The following ARL10 variants were observed in gnomAD, a reference collection of about 807,000 sequenced individuals.
ARL10 encodes the protein ARF like GTPase 10.
In ARL10, 23 loss-of-function variants were observed where a neutral mutation model predicts 26.1. The ratio of observed to expected loss-of-function variants is 0.88; its 90% CI spans 0.63 to 1.25. The LOEUF (loss-of-function observed/expected upper bound fraction) is 1.25. Among genes scored for constraint, ARL10 ranks in the 50% most tolerant of loss-of-function variants. The pLI is 0.00. For missense variants in ARL10, 300 were observed against 323.6 expected (o/e 0.93, Z 0.56); for synonymous variants, 138 against 149.1 (o/e 0.93, Z 0.54).
At chr5:176,399,632 G>A (rs992822678) in intron 1 of ARL10, among the ~76,000 whole-genome samples, 3 of 152,208 alleles carry the variant, frequency 2.0e-5, no homozygotes, top group East Asian at 3.9e-4. Context: ...GGTGGCTCAC[G>A]CCTGTAATTC....
chr5:176,368,738 TGGGGTGGGGGCTGTGGGCAGTGAGC>T lies in ARL10; in HGVS notation c.386-64_386-40del, dbSNP rs1768420315. 1 of 989,890 alleles carries T rather than the reference TGGGGTGGGGGCTGTGGGCAGTGAGC, an allele frequency of 1.0e-6. No homozygotes were observed. Among genetic ancestry groups the T allele is most frequent in the Admixed American group, 4.7e-5 (1 of 21,406 alleles). 61.3% of individuals were successfully genotyped at this position (989,890 alleles called of 1,614,324 possible). On this transcript the variant is annotated intron_variant, in intron 2 of 3. Coordinates refer to ENST00000310389, the MANE Select transcript of ARL10 (RefSeq NM_173664.6). The surrounding 1 kb of genome is among the most constrained non-coding windows in gnomAD (Gnocchi z 4.1). ...GTGGGCAGTGAGCGGGGGCCCGGGG[TGGGGTGGGGGCTGTGGGCAGTGAGC>T]GGGGGCCCGGGAGGCTCTGAGCTGG...
intron 3 of ARL10, among the ~76,000 whole-genome samples, chr5:176,371,141 G>GAGGC (rs1338367574): frequency 1.3e-5 from 2 of 152,210 alleles, no homozygotes; most frequent in Non-Finnish European, 2.9e-5. Context: ...TTGGGAGGCT[G>GAGGC]AGGCAGGTGG....
downstream of ARL10, chr5:176,383,940 G>C: frequency 1.4e-6 from 2 of 1,477,690 alleles, no homozygotes; most frequent in Non-Finnish European, 1.8e-6. Flanking sequence ...AAAATCATCA[G>C]AGAAGTAAAA....
rs567670849 is a variant in ARL10, at chr5:176,380,121, A to C, written c.*8226A>C. 3.3e-5 allele frequency: 5 copies of C among 152,304 alleles called. No homozygotes were observed. The East Asian group carries it at 5.8e-4, about 18-fold the overall frequency. 9.4% of individuals were successfully genotyped at this position (152,304 alleles called of 1,614,324 possible). A position where few individuals can be genotyped will look rare whatever the true frequency, so the allele number is the denominator to read the frequency against. ...CAACTTCCCCTTTTTCATTAGCCTC[A>C]AGGAGAAAAGGTAACTGAGCAAAAG... is the stretch of plus-strand genomic sequence containing the variant. On this transcript the variant is annotated 3_prime_UTR_variant, in exon 4 of 4. Transcript: ENST00000310389.
chr5:176,385,215 G>T, downstream of ARL10: 3 of 1,560,694 alleles, frequency 1.9e-6, no homozygotes, highest in Non-Finnish European at 2.6e-6. Flanking sequence ...GGCCTGAGCC[G>T]CTCACCTTAT....
At chr5:176,385,182 G>A (rs986391897), downstream of ARL10, 1 of 1,171,134 alleles carries the variant, frequency 8.5e-7, no homozygotes, top group Non-Finnish European at 1.3e-6. Flanking sequence ...ATGGTCCAGG[G>A]CGCCTTCCCA....
rs768174434 is a variant in ARL10, at chr5:176,366,521, A to G, written c.325A>G (p.Thr109Ala). ...GKPPLEGHIP[T>A]WGFNSVRLPT... ...GCCACCGCTGGAAGGCCACATCCCC[A>G]CCTGGGGCTTCAACTCCGTGCGTCT... Residue 109 changes from threonine (T) to alanine (A), a missense_variant, in exon 2 of 4, where the codon ACC becomes GCC. By Grantham distance (58) the Thr-to-Ala change is moderately conservative. Transcript: ENST00000310389. 6.2e-7 allele frequency: 1 copy of G among 1,613,986 alleles called. No individual in the cohort carries two copies. The highest frequency in any genetic ancestry group is 1.3e-5 in the African/African-American group (1 of 74,938).
the ARL10 span, among the ~76,000 whole-genome samples, chr5:176,412,563 T>C: frequency 6.6e-6 from 1 of 152,168 alleles, no homozygotes; most frequent in South Asian, 2.1e-4. Flanking sequence ...ATGAGGTTAA[T>C]AGGCAGATGG....
intron 1 of ARL10, among the ~76,000 whole-genome samples, chr5:176,398,509 A>G (rs970275978): frequency 2.0e-5 from 3 of 152,100 alleles, no homozygotes; most frequent in African/African-American, 7.2e-5. Flanking sequence ...TTGGGAGTTC[A>G]AGACCAGCCT....
Position 176,372,080 on chromosome 5 carries a change from C to T in ARL10, c.*185C>T, listed in dbSNP as rs187889920. ...GCAGAAGCCTTCCTGGTGAGGTGGCCGTGAAGCCGAAGCAGGGAGGTGGGT... is the reference window on the plus strand; with the variant it reads ...GCAGAAGCCTTCCTGGTGAGGTGGCTGTGAAGCCGAAGCAGGGAGGTGGGT... On this transcript the variant is annotated 3_prime_UTR_variant, in exon 4 of 4. Coordinates refer to ENST00000310389, the MANE Select transcript of ARL10 (RefSeq NM_173664.6). 7.6e-4 allele frequency: 1,088 copies of T among 1,422,864 alleles called. 1 individual carries two copies. The highest frequency in any genetic ancestry group is 9.1e-4 in the Non-Finnish European group (994 of 1,091,066). 88.1% of individuals were successfully genotyped at this position (1,422,864 alleles called of 1,614,324 possible).
At chr5:176,402,757 G>A (rs1446600814), downstream of ARL10, among the ~76,000 whole-genome samples, 3 of 152,210 alleles carry the variant, frequency 2.0e-5, no homozygotes, top group African/African-American at 4.8e-5. Context: ...CCTCACAAAT[G>A]AGAACCATGG....
At chr5:176,384,803 G>A (rs554278994), downstream of ARL10, 19 of 390,734 alleles carry the variant, frequency 4.9e-5, no homozygotes, top group South Asian at 1.6e-4. Context: ...AGAGTCCAGC[G>A]GGCCAGGGAG....
downstream of ARL10, among the ~76,000 whole-genome samples, chr5:176,402,596 G>A (rs940852244): frequency 2.0e-5 from 3 of 152,198 alleles, no homozygotes; most frequent in Non-Finnish European, 4.4e-5. Flanking sequence ...TCCCTGCCAT[G>A]AGGGCAGAGG....
In ARL10 at chr5:176,373,327, A is replaced by G. The variant is rs1049485438; in HGVS notation, c.*1432A>G. On this transcript the variant is annotated 3_prime_UTR_variant, in exon 4 of 4. Transcript: ENST00000310389. The stretch of plus-strand genomic sequence containing the variant: ...TCTCCAGTGCTTGGCGATCAGCCCA[A>G]TTGAAGGACTGGCTCTGTACTGACA... 11 of 330,690 alleles carry G rather than the reference A, an allele frequency of 3.3e-5. No individual in the cohort carries two copies. Among genetic ancestry groups the G allele is most frequent in the African/African-American group, 1.1e-4 (5 of 47,296 alleles). 20.5% of individuals were successfully genotyped at this position (330,690 alleles called of 1,614,324 possible). A position where few individuals can be genotyped will look rare whatever the true frequency, so the allele number is the denominator to read the frequency against.
downstream of ARL10, chr5:176,392,733 A>G (rs746961496): frequency 2.5e-6 from 4 of 1,605,464 alleles, no homozygotes; most frequent in African/African-American, 1.3e-5. The surrounding 1 kb of genome is among the most constrained non-coding windows in gnomAD (Gnocchi z 5.2). Context: ...TCCTGTGCCC[A>G]GGCCCAGCCC....
downstream of ARL10, chr5:176,392,996 C>T: frequency 6.2e-7 from 1 of 1,607,868 alleles, no homozygotes; most frequent in Non-Finnish European, 8.5e-7. This position sits in a 1 kb window ranked among gnomAD's most constrained non-coding sequence, Gnocchi z 5.2. Context: ...TTCCCCCAGC[C>T]TTGCCCTTGA....
In ARL10 at chr5:176,365,716, T is replaced by G. The variant is rs1768260448; in HGVS notation, c.153T>G (p.Ala51=). 5.7e-6 allele frequency: 7 copies of G among 1,238,568 alleles called. No individual in the cohort carries two copies. Among genetic ancestry groups the G allele is most frequent in the African/African-American group, 1.6e-5 (1 of 64,468 alleles). The allele number at this position is 1,238,568 out of a possible 1,614,324, so 76.7% of individuals were successfully genotyped here. Residue 51 remains alanine (A), a synonymous_variant, in exon 1 of 4, where the codon GCT becomes GCG. Transcript: ENST00000310389. ...GAGAGGCCTGGTGGGGCGCGGAGGC[T>G]GCCCGCCTCCCCGAGTGGGACGAGT... is the stretch of plus-strand genomic sequence containing the variant. ...DRGEAWWGAE[A]ARLPEWDEWD...
intron 1 of ARL10, among the ~76,000 whole-genome samples, chr5:176,400,808 C>T (rs1454053170): frequency 6.6e-6 from 1 of 152,210 alleles, no homozygotes; most frequent in African/African-American, 2.4e-5. Context: ...CGGCGCCCAC[C>T]TATCCTTAGT....
At chr5:176,366,010 G>A (rs932453584) in intron 1 of ARL10, among the ~76,000 whole-genome samples, 3 of 152,198 alleles carry the variant, frequency 2.0e-5, no homozygotes, top group Non-Finnish European at 2.9e-5. Context: ...GTTCCAGCGG[G>A]GGCCGGAGTT....
Sources: gnomAD v4.1 joint callset for allele counts (sites outside exome capture counted in the v4.1 genomes callset) on GRCh38, gnomAD v4.1.1 for gene constraint, Gnocchi (gnomAD v3.1) non-coding constraint, MANE v1.5 for transcripts, NCBI Gene and HGNC (gene_info 2026-07-23, HGNC 2026-07-21) for gene names.